Variants in LIN52 observed in about 807,000 individuals in gnomAD.
The protein encoded by LIN52 is protein lin-52 homolog.
LIN52 carries 4 observed loss-of-function variants against 18.5 expected under a neutral mutation model. That is an observed-to-expected ratio of 0.22 (90% confidence interval 0.11 to 0.49). LIN52 has a LOEUF of 0.49. Ranked by LOEUF, LIN52 falls within the 20% of genes least tolerant of loss-of-function variation. LIN52 has a pLI of 0.97. For synonymous variants in LIN52, 34 were observed against 45.5 expected, an observed-to-expected ratio of 0.75 and a Z score of 1.02; for missense variants, 102 against 139.5, an observed-to-expected ratio of 0.73 and a Z score of 1.35.
At chr14:74,186,810 G>T (rs897384638) in intron 5 of LIN52, among the ~76,000 whole-genome samples, 4 of 152,114 alleles carry the variant, frequency 2.6e-5, no homozygotes, top group Non-Finnish European at 4.4e-5. Flanking sequence ...CAGGCATGGT[G>T]GTTCATGCCT....
intron 5 of LIN52, among the ~76,000 whole-genome samples, chr14:74,105,085 TATTA>T (rs200199478): frequency 0.015 from 2,243 of 152,358 alleles, 47 homozygotes; most frequent in African/African-American, 0.051. Context: ...TTTCTTTCTT[TATTA>T]GTTTTCAGAA....
rs1429687793 is a variant in LIN52, at chr14:74,198,925, G to A, written c.287G>A (p.Arg96Lys). 3.1e-6 allele frequency: 5 copies of A among 1,610,908 alleles called. No homozygotes were observed. The highest frequency in any genetic ancestry group is 1.7e-6 in the Non-Finnish European group (2 of 1,177,446). The part of the protein sequence containing the change: ...LAYQLGLDES[R>K]EMTRGKFLNI... ...TTTGTTTGCTTTGTGATTCCAGCCA[G>A]AGAGATGACACGGGGGAAATTCCTC... The change falls in exon 6 of 6, where the codon AGA (arginine) becomes AAA (lysine). Residue 96 changes from arginine to lysine, a missense_variant. Arg to Lys is a conservative substitution (Grantham distance 26). Coordinates refer to ENST00000555028, the MANE Select transcript of LIN52 (RefSeq NM_001024674.3).
At position 74,153,629 on chromosome 14, in the gene LIN52, A is replaced by T. The variant is rs187718196; in HGVS notation, c.284-45293A>T. 2.7e-3 allele frequency among the ~76,000 whole-genome samples: 414 copies of T among 151,348 alleles called. 3 individuals carry two copies. The highest frequency in any genetic ancestry group is 9.8e-3 in the African/African-American group (404 of 41,166). ...GCGCAATCTTGGCTCACTGCAACCTACACCCCTCAGGTTCAAGTGATTCTC... is the reference window on the plus strand; with the variant it reads ...GCGCAATCTTGGCTCACTGCAACCTTCACCCCTCAGGTTCAAGTGATTCTC... On this transcript the variant is annotated intron_variant, in intron 5 of 5. Transcript: ENST00000555028.
At chr14:74,163,227 C>T (rs2061233708) in intron 5 of LIN52, among the ~76,000 whole-genome samples, 1 of 152,118 alleles carries the variant, frequency 6.6e-6, no homozygotes, top group Non-Finnish European at 1.5e-5. Context: ...ACTACAGGTG[C>T]ACACCACCAT....
At chr14:74,123,620 T>C (rs996533469) in intron 5 of LIN52, among the ~76,000 whole-genome samples, 9 of 152,092 alleles carry the variant, frequency 5.9e-5, no homozygotes, top group African/African-American at 2.2e-4. Context: ...ATGTGTAGCA[T>C]TAAATATAGA....
chr14:74,167,633 C>T (rs1303835677), intron 5 of LIN52, among the ~76,000 whole-genome samples: 1 of 152,194 alleles, frequency 6.6e-6, no homozygotes, highest in Non-Finnish European at 1.5e-5. Context: ...TTTCCTTTTA[C>T]TCTAAATGCT....
At chr14:74,095,914 T>C in intron 2 of LIN52, 34 bp from the exon 3 acceptor site, 1 of 1,469,098 alleles carries the variant, frequency 6.8e-7, no homozygotes, top group Non-Finnish European at 9.5e-7. Context: ...CAATCATACT[T>C]ATTGAATAAA....
intron 5 of LIN52, among the ~76,000 whole-genome samples, chr14:74,146,187 A>C (rs769100817): frequency 6.6e-6 from 1 of 152,156 alleles, no homozygotes; most frequent in Non-Finnish European, 1.5e-5. Flanking sequence ...TTTTCAGAGA[A>C]GTATGTATTT....
At position 74,200,497 on chromosome 14, in the gene LIN52, T is replaced by G. The variant is rs893884708; in HGVS notation, c.*1520T>G. 1 of 150,356 alleles carries G rather than the reference T, an allele frequency of 6.7e-6. No homozygotes were observed. Among genetic ancestry groups the G allele is most frequent in the Non-Finnish European group, 1.5e-5 (1 of 67,702 alleles). 9.3% of individuals were successfully genotyped at this position (150,356 alleles called of 1,614,324 possible). On this transcript the variant is annotated 3_prime_UTR_variant, in exon 6 of 6. Coordinates refer to ENST00000555028, the MANE Select transcript of LIN52 (RefSeq NM_001024674.3). Reference sequence around the variant, plus strand: ...TGTTTGGACACAAGAAAAGTTATGGTTTTGAGTCGTGAGTGTTTGCTAGGG... The same window carrying G: ...TGTTTGGACACAAGAAAAGTTATGGGTTTGAGTCGTGAGTGTTTGCTAGGG...
At chr14:74,117,491 G>A (rs1267071884) in intron 5 of LIN52, among the ~76,000 whole-genome samples, 2 of 151,866 alleles carry the variant, frequency 1.3e-5, no homozygotes, top group East Asian at 3.9e-4. Context: ...TGGCGGGGGG[G>A]CTTTGAAAGT....
At chr14:74,194,986 A>C (rs1201633869) in intron 5 of LIN52, among the ~76,000 whole-genome samples, 1 of 152,140 alleles carries the variant, frequency 6.6e-6, no homozygotes, top group Non-Finnish European at 1.5e-5. Context: ...CTGTACCAAA[A>C]ATACAAAGAA....
chr14:74,133,117 A>T (rs1236237637), intron 5 of LIN52, among the ~76,000 whole-genome samples: 1 of 152,156 alleles, frequency 6.6e-6, no homozygotes, highest in East Asian at 1.9e-4. Context: ...AAAGATTAGT[A>T]TTGACTTGTG....
chr14:74,173,192 TG>T (rs2061278864), intron 5 of LIN52, among the ~76,000 whole-genome samples: 2 of 152,148 alleles, frequency 1.3e-5, no homozygotes, highest in Non-Finnish European at 2.9e-5. Flanking sequence ...TTGTGTGTTT[TG>T]TTTTGTTTTT....
At chr14:74,150,335 G>C (rs751719925) in intron 5 of LIN52, among the ~76,000 whole-genome samples, 6 of 152,178 alleles carry the variant, frequency 3.9e-5, no homozygotes, top group Non-Finnish European at 7.3e-5. Flanking sequence ...GTAGAATACT[G>C]TATAGCCATG....
chr14:74,180,061 A>G (rs957449194), intron 5 of LIN52, among the ~76,000 whole-genome samples: 14 of 152,280 alleles, frequency 9.2e-5, no homozygotes, highest in South Asian at 2.1e-4. Flanking sequence ...AACCACTAAC[A>G]TTATAAATTC....
At chr14:74,085,394 C>G (rs1319557176) in intron 1 of LIN52, 4 of 164,638 alleles carry the variant, frequency 2.4e-5, no homozygotes, top group African/African-American at 9.5e-5. Flanking sequence ...ATTGAGCGCA[C>G]GGATGGAATG....
chr14:74,171,905 A>AT (rs1289836369), intron 5 of LIN52, among the ~76,000 whole-genome samples: 2 of 151,790 alleles, frequency 1.3e-5, no homozygotes, highest in Non-Finnish European at 2.9e-5. Flanking sequence ...AACCTGGCTA[A>AT]TTTTTTGTAT....
chr14:74,095,405 G>A (rs777950151), intron 2 of LIN52, among the ~76,000 whole-genome samples: 10 of 152,004 alleles, frequency 6.6e-5, no homozygotes, highest in Non-Finnish European at 7.4e-5. Flanking sequence ...AAAGTGCTGG[G>A]ACTACAGGCA....
At chr14:74,158,627 T>G (rs1051855105) in intron 5 of LIN52, among the ~76,000 whole-genome samples, 1 of 151,888 alleles carries the variant, frequency 6.6e-6, no homozygotes, top group Non-Finnish European at 1.5e-5. Context: ...TACAGGCATG[T>G]GCCACCACGC....
Sources: gnomAD v4.1 joint callset for allele counts (sites outside exome capture counted in the v4.1 genomes callset) on GRCh38, gnomAD v4.1.1 for gene constraint, MANE v1.5 for transcripts, NCBI Gene and HGNC (gene_info 2026-07-23, HGNC 2026-07-21) for gene names.